Variants in USP6NL observed in about 807,000 individuals in gnomAD.
The protein encoded by USP6NL is USP6 N-terminal like, also known as USP6 N-terminal-like protein.
Under a neutral mutation model 61.9 loss-of-function variants are expected in USP6NL, and 26 were observed. The ratio of observed to expected loss-of-function variants is 0.42; its 90% CI spans 0.31 to 0.58. The LOEUF (loss-of-function observed/expected upper bound fraction) is 0.58, where lower values mean the gene tolerates loss of function less well. Among genes scored for constraint, USP6NL ranks in the 20% least tolerant of loss-of-function variants. The pLI is 0.16. For synonymous variants in USP6NL, 432 were observed against 390.1 expected (o/e 1.11, Z -1.27); for missense variants, 1,114 against 1,034.3 (o/e 1.08, Z -1.06).
chr10:11,555,471 A>AGAAAGAGAGAGAGAG (rs1566178235), intron 2 of USP6NL, among the ~76,000 whole-genome samples: 3 of 62,212 alleles, frequency 4.8e-5, no homozygotes, highest in African/African-American at 2.1e-4. Flanking sequence ...GAGAGAGAGA[A>AGAAAGAGAGAGAGAG]AGAGAGAGAG....
rs570793034 is a variant in USP6NL at position 11,528,525 on chromosome 10, C to T, written c.5-958G>A. On this transcript the variant is annotated intron_variant, in intron 2 of 14. Transcript: ENST00000609104. This position sits in a 1 kb window ranked among gnomAD's most constrained non-coding sequence, Gnocchi z 4.6. The stretch of plus-strand genomic sequence containing the variant: ...GTAGGCATCATTATGAATCCTACAC[C>T]GCGATAAAAAAGAGGCTTAGAGATT... Among the ~76,000 whole-genome samples, 17 of 152,190 alleles carry T rather than the reference C, an allele frequency of 1.1e-4. No homozygotes were observed. The highest frequency in any genetic ancestry group is 2.1e-4 in the South Asian group (1 of 4,818).
At chr10:11,469,730 G>C (rs1163418160) in intron 14 of USP6NL, among the ~76,000 whole-genome samples, 2 of 152,204 alleles carry the variant, frequency 1.3e-5, no homozygotes, top group Non-Finnish European at 2.9e-5. Flanking sequence ...CCCGCACAGT[G>C]GGGGATGGGC....
rs1838887711 is a variant in USP6NL, at chr10:11,611,340, G to C, written c.-84+103C>G. The C allele has an allele frequency of 6.6e-6, 1 of 151,970 alleles. No individual in the cohort carries two copies. The highest frequency in any genetic ancestry group is 1.5e-5 in the Non-Finnish European group (1 of 68,012). The allele number at this position is 151,970 out of a possible 1,614,324, so 9.4% of individuals were successfully genotyped here. A position where few individuals can be genotyped will look rare whatever the true frequency, so the allele number is the denominator to read the frequency against. ...TCCTCCAGGGGCCGGGAATGGCGGC[G>C]TCCGGCTCCCCGGGGCCAACTCCGA... is the stretch of plus-strand genomic sequence containing the variant. On this transcript the variant is annotated intron_variant, in intron 1 of 14. Coordinates refer to ENST00000609104, the MANE Select transcript of USP6NL (RefSeq NM_014688.5). This position sits in a 1 kb window ranked among gnomAD's most constrained non-coding sequence, Gnocchi z 5.3.
intron 2 of USP6NL, among the ~76,000 whole-genome samples, chr10:11,529,125 A>G (rs1298182165): frequency 6.6e-6 from 1 of 152,188 alleles, no homozygotes; most frequent in African/African-American, 2.4e-5. Context: ...TGAATCTTTA[A>G]GCCAAATATA....
chr10:11,514,301 C>A (rs1203288088), intron 5 of USP6NL, among the ~76,000 whole-genome samples: 2 of 151,894 alleles, frequency 1.3e-5, no homozygotes, highest in Non-Finnish European at 2.9e-5. Flanking sequence ...ACTGATGATC[C>A]CTACCTGAAT....
chr10:11,570,989 A>G (rs1440746303), intron 2 of USP6NL, among the ~76,000 whole-genome samples: 1 of 152,042 alleles, frequency 6.6e-6, no homozygotes, highest in Non-Finnish European at 1.5e-5. Flanking sequence ...TAACTAAACA[A>G]ACACTTATTA....
In USP6NL at chr10:11,600,449, A is replaced by G. The variant is rs560604372; in HGVS notation, c.-83-2732T>C. ...CCCAGCCAAACTCAACAGAGAGCGC[A>G]GACCAGTGAGCTAGAAAGAAACGTC... is the stretch of plus-strand genomic sequence containing the variant. On this transcript the variant is annotated intron_variant, in intron 1 of 14. Coordinates refer to ENST00000609104, the MANE Select transcript of USP6NL (RefSeq NM_014688.5). The surrounding 1 kb of genome is among the most constrained non-coding windows in gnomAD (Gnocchi z 4.1). Among the ~76,000 whole-genome samples the G allele has an allele frequency of 5.9e-5, 9 of 152,228 alleles. No individual in the cohort carries two copies. Among genetic ancestry groups the G allele is most frequent in the Non-Finnish European group, 1.2e-4 (8 of 68,032 alleles).
At chr10:11,606,151 A>G (rs1235894098) in intron 1 of USP6NL, among the ~76,000 whole-genome samples, 3 of 152,244 alleles carry the variant, frequency 2.0e-5, no homozygotes. Flanking sequence ...GAAACAAATT[A>G]GCAACAAAGA....
chr10:11,493,339 A>G (rs1833781910), intron 7 of USP6NL, 111 bp from the exon 8 acceptor site: 6 of 858,050 alleles, frequency 7.0e-6, no homozygotes, highest in Non-Finnish European at 1.1e-5. Context: ...AAAATCACTC[A>G]ATGGTTAAAA....
chr10:11,580,875 G>A (rs1328368108), intron 2 of USP6NL, among the ~76,000 whole-genome samples: 1 of 144,824 alleles, frequency 6.9e-6, no homozygotes, highest in Non-Finnish European at 1.5e-5. Context: ...GATGATGGAT[G>A]GATGGATGGA....
intron 2 of USP6NL, among the ~76,000 whole-genome samples, chr10:11,536,175 G>T (rs11257159): frequency 0.2 from 30,577 of 152,128 alleles, 3,661 homozygotes; most frequent in East Asian, 0.5. Context: ...ATCTTGTTCT[G>T]AAATAGCACC....
intron 2 of USP6NL, among the ~76,000 whole-genome samples, chr10:11,530,101 C>CAAAAAAA (rs900768943): frequency 5.6e-5 from 4 of 72,006 alleles, no homozygotes; most frequent in Non-Finnish European, 8.2e-5. Context: ...GACCCTGTCT[C>CAAAAAAA]AAAAAAAAAA....
chr10:11,511,673 G>A lies in USP6NL; in HGVS notation c.196-1998C>T, dbSNP rs756860872. Among the ~76,000 whole-genome samples the A allele has an allele frequency of 7.9e-5, 12 of 151,924 alleles. No individual in the cohort carries two copies. The highest frequency in any genetic ancestry group is 1.3e-4 in the Non-Finnish European group (9 of 67,990). ...GTCATTTTTTTAAAAGCACACTTTT[G>A]AATTCTAATGCTTATCATATATACA... On this transcript the variant is annotated intron_variant, in intron 5 of 14. Transcript: ENST00000609104. This position sits in a 1 kb window ranked among gnomAD's most constrained non-coding sequence, Gnocchi z 4.9.
In USP6NL at chr10:11,589,176, A is replaced by G. The variant is rs1157526539; in HGVS notation, c.4+8455T>C. On this transcript the variant is annotated intron_variant, in intron 2 of 14. Coordinates refer to ENST00000609104, the MANE Select transcript of USP6NL (RefSeq NM_014688.5). The surrounding 1 kb of genome is among the most constrained non-coding windows in gnomAD (Gnocchi z 4.7). Reference sequence around the variant, plus strand: ...GCTTCTAGGTCACATCTGTCAGCAGAAACGTTTTTTATAATAAAGCATGCC... The same window carrying G: ...GCTTCTAGGTCACATCTGTCAGCAGGAACGTTTTTTATAATAAAGCATGCC... Among the ~76,000 whole-genome samples the G allele has an allele frequency of 6.6e-6, 1 of 152,208 alleles. No individual in the cohort carries two copies. Among genetic ancestry groups the G allele is most frequent in the Non-Finnish European group, 1.5e-5 (1 of 68,038 alleles).
Position 11,461,037 on chromosome 10 carries a change from T to C in USP6NL, c.*1404A>G, listed in dbSNP as rs942885725. 2.6e-5 allele frequency: 4 copies of C among 152,320 alleles called. No homozygotes were observed. Among genetic ancestry groups the C allele is most frequent in the Non-Finnish European group, 5.9e-5 (4 of 68,032 alleles). 9.4% of individuals were successfully genotyped at this position (152,320 alleles called of 1,614,324 possible). On this transcript the variant is annotated 3_prime_UTR_variant, in exon 15 of 15. Transcript: ENST00000609104. ...TACTTCCATTTTAAAAGACATACTT[T>C]TGTACCTTGAAAGTTTAAAGCCCCA...
chr10:11,475,594 C>T (rs760835210), intron 14 of USP6NL, among the ~76,000 whole-genome samples: 3 of 95,116 alleles, frequency 3.2e-5, no homozygotes, highest in Non-Finnish European at 6.1e-5. Flanking sequence ...AAAACTCTGT[C>T]GCAAAAAAAA....
rs1244126103 is a variant in USP6NL, at chr10:11,513,547, T to C, written c.196-3872A>G. ...ATGTCACATACTTATAAATGCTTCA[T>C]GAGACCCACAGATTATTAACCTTTT... On this transcript the variant is annotated intron_variant, in intron 5 of 14. Transcript: ENST00000609104. The surrounding 1 kb of genome is among the most constrained non-coding windows in gnomAD (Gnocchi z 4.7). 1.3e-5 allele frequency among the ~76,000 whole-genome samples: 2 copies of C among 152,232 alleles called. No individual in the cohort carries two copies. Among genetic ancestry groups the C allele is most frequent in the African/African-American group, 4.8e-5 (2 of 41,476 alleles).
At position 11,600,215 on chromosome 10, in the gene USP6NL, T is replaced by C. The variant is rs915728230; in HGVS notation, c.-83-2498A>G. The stretch of plus-strand genomic sequence containing the variant: ...TATTTCTGCAAAAATTGGCCTTTCA[T>C]CTCATTTTCCAGGTACTCTAAGTCT... On this transcript the variant is annotated intron_variant, in intron 1 of 14. Transcript: ENST00000609104. The surrounding 1 kb of genome is among the most constrained non-coding windows in gnomAD (Gnocchi z 4.1). Among the ~76,000 whole-genome samples the C allele has an allele frequency of 6.6e-6, 1 of 152,208 alleles. No individual in the cohort carries two copies. The highest frequency in any genetic ancestry group is 1.5e-5 in the Non-Finnish European group (1 of 68,048).
chr10:11,555,451 T>TATATATATATATATAGAG (rs1427219382), intron 2 of USP6NL, among the ~76,000 whole-genome samples: 1 of 61,004 alleles, frequency 1.6e-5, no homozygotes, highest in African/African-American at 8.5e-5. Context: ...TATATATATA[T>TATATATATATATATAGAG]AGAGAGAGAG....
Sources: allele counts gnomAD v4.1 joint callset (sites outside exome capture counted in the v4.1 genomes callset), GRCh38; gene constraint gnomAD v4.1.1; non-coding constraint Gnocchi (gnomAD v3.1); transcripts MANE v1.5; gene names NCBI Gene and HGNC (gene_info 2026-07-23, HGNC 2026-07-21).